SMAP1: variants seen among roughly 807,000 people sequenced by gnomAD.
SMAP1 encodes the protein stromal membrane-associated protein 1.
Under a neutral mutation model 58.5 loss-of-function variants are expected in SMAP1, and 24 were observed. The observed-to-expected ratio is 0.41, with a 90% CI of 0.30 to 0.58. SMAP1 has a LOEUF of 0.58. SMAP1 is among the 20% of genes least tolerant of loss of function. The pLI is 0.29. For synonymous variants in SMAP1, 216 were observed against 196.6 expected (o/e 1.10, Z -0.82); for missense variants, 563 against 566.3 (o/e 0.99, Z 0.06).
chr6:70,787,570 C>T (rs139524687), intron 4 of SMAP1, among the ~76,000 whole-genome samples: 318 of 138,036 alleles, frequency 2.3e-3, no homozygotes, highest in South Asian at 3.8e-3. Context: ...GGCTAATATC[C>T]AGAATCTACA....
chr6:70,740,847 G>A (rs1254588980), intron 2 of SMAP1, among the ~76,000 whole-genome samples: 3 of 152,126 alleles, frequency 2.0e-5, no homozygotes, highest in African/African-American at 7.2e-5. Context: ...CATGTGGCTG[G>A]GGAGGCCTCA....
Position 70,852,558 on chromosome 6 carries a change from C to T in SMAP1, c.683C>T (p.Pro228Leu). Residue 228 changes from proline to leucine, a missense_variant, in exon 8 of 11, where the codon CCA becomes CTA. Coordinates refer to ENST00000370455, the MANE Select transcript of SMAP1 (RefSeq NM_001044305.3). ...TTTTCAGATGGCCCTGCTGTGGCAC[C>T]AGTGACCAACGGGAACACAACGGTG... is the stretch of plus-strand genomic sequence containing the variant. ...LLGLDGPAVA[P>L]VTNGNTTVPP... The T allele has an allele frequency of 6.3e-7, 1 of 1,599,242 alleles. No individual in the cohort carries two copies. Among genetic ancestry groups the T allele is most frequent in the Non-Finnish European group, 8.5e-7 (1 of 1,173,014 alleles).
At chr6:70,792,524 A>C (rs1768408559) in intron 5 of SMAP1, among the ~76,000 whole-genome samples, 1 of 152,066 alleles carries the variant, frequency 6.6e-6, no homozygotes, top group African/African-American at 2.4e-5. Flanking sequence ...AGCAGTTTAT[A>C]ATACAATATA....
At chr6:70,859,243 A>T in intron 10 of SMAP1, 1 of 877,998 alleles carries the variant, frequency 1.1e-6, no homozygotes, top group Non-Finnish European at 1.7e-6. Flanking sequence ...AGTGTCAGTC[A>T]CATGGTCAAC....
At chr6:70,668,755 G>A in intron 1 of SMAP1, 1 of 1,532,402 alleles carries the variant, frequency 6.5e-7, no homozygotes, top group Non-Finnish European at 8.7e-7. Context: ...ATTGGAGAAA[G>A]GTCTTTATTA....
chr6:70,852,756 C>A (rs549630912), intron 8 of SMAP1, 92 bp downstream of exon 8: 1 of 1,351,768 alleles, frequency 7.4e-7, no homozygotes, highest in Non-Finnish European at 9.8e-7. Context: ...TGTTTCTGAG[C>A]AGTAACTGAT....
chr6:70,772,337 A>C (rs1767364027), intron 3 of SMAP1, among the ~76,000 whole-genome samples: 2 of 152,206 alleles, frequency 1.3e-5, no homozygotes, highest in African/African-American at 4.8e-5. Context: ...TTATTGACTG[A>C]AACTGTATTG....
At chr6:70,829,671 C>G (rs1770280417) in intron 6 of SMAP1, among the ~76,000 whole-genome samples, 1 of 151,980 alleles carries the variant, frequency 6.6e-6, no homozygotes, top group African/African-American at 2.4e-5. Flanking sequence ...TTTTATGTTT[C>G]TTGTTGTTCT....
At chr6:70,777,365 T>C (rs902093153) in intron 4 of SMAP1, among the ~76,000 whole-genome samples, 3 of 152,212 alleles carry the variant, frequency 2.0e-5, no homozygotes, top group African/African-American at 7.2e-5. Flanking sequence ...ATTTCTCTGA[T>C]GATTATTGAT....
intron 6 of SMAP1, among the ~76,000 whole-genome samples, chr6:70,823,070 A>G (rs1403977984): frequency 2.6e-5 from 4 of 152,154 alleles, no homozygotes; most frequent in Non-Finnish European, 4.4e-5. Context: ...TAGCATACTA[A>G]TGATAGCTGC....
chr6:70,686,952 A>G (rs909727624), intron 1 of SMAP1, among the ~76,000 whole-genome samples: 3 of 152,174 alleles, frequency 2.0e-5, no homozygotes, highest in African/African-American at 7.2e-5. Flanking sequence ...TTGACCTAAT[A>G]TACTGATGAT....
At chr6:70,754,345 C>G (rs1056008088) in intron 2 of SMAP1, among the ~76,000 whole-genome samples, 1 of 151,964 alleles carries the variant, frequency 6.6e-6, no homozygotes, top group African/African-American at 2.4e-5. Context: ...AGCAATTGTT[C>G]TTACCATTGG....
chr6:70,724,204 C>CT (rs1052541630), intron 1 of SMAP1, among the ~76,000 whole-genome samples: 12 of 147,008 alleles, frequency 8.2e-5, no homozygotes, highest in Non-Finnish European at 1.7e-4. Flanking sequence ...GGAAATGTTC[C>CT]TTTTTTTTTG....
At chr6:70,850,842 G>A (rs1046759248) in intron 7 of SMAP1, among the ~76,000 whole-genome samples, 3 of 152,022 alleles carry the variant, frequency 2.0e-5, no homozygotes, top group African/African-American at 7.2e-5. Context: ...TATACATCAT[G>A]TAAATGGGGT....
chr6:70,740,487 A>T (rs1255269236), intron 2 of SMAP1, among the ~76,000 whole-genome samples: 5 of 152,094 alleles, frequency 3.3e-5, no homozygotes, highest in Admixed American at 2.6e-4. Context: ...AACAAAAAAA[A>T]AACCCAAGGC....
intron 10 of SMAP1, 55 bp from the exon 11 acceptor site, chr6:70,860,143 AAC>A (rs1771647943): frequency 1.3e-6 from 2 of 1,510,406 alleles, no homozygotes; most frequent in Non-Finnish European, 1.8e-6. Context: ...TGGCTAAAGA[AAC>A]AAGAATTAAA....
intron 6 of SMAP1, among the ~76,000 whole-genome samples, chr6:70,830,969 A>C (rs1464620925): frequency 6.6e-6 from 1 of 152,198 alleles, no homozygotes; most frequent in African/African-American, 2.4e-5. Context: ...GTTGCTACAG[A>C]TACTGTAATG....
In SMAP1 at chr6:70,816,766, TTA is replaced by T. The variant is rs1437314909; in HGVS notation, c.576+18031_576+18032del. On this transcript the variant is annotated intron_variant, in intron 6 of 10. Coordinates refer to ENST00000370455, the MANE Select transcript of SMAP1 (RefSeq NM_001044305.3). ...GTTAGTAGTTGTCACTACCACTGCT[TTA>T]TGTTAACCAAAAGCCTAAAATATTA... Among the ~76,000 whole-genome samples the T allele has an allele frequency of 2.6e-5, 4 of 152,258 alleles. No homozygotes were observed. The East Asian group carries it at 7.7e-4, about 29-fold the overall frequency.
At position 70,788,755 on chromosome 6, in the gene SMAP1, T is replaced by G. The variant is rs553821181; in HGVS notation, c.415-2934T>G. ...GCCAGGGGAGGAAAGAATAGGGGGA[T>G]AAGGTAGAGATGACACTTGTGGCCT... On this transcript the variant is annotated intron_variant, in intron 4 of 10. Coordinates refer to ENST00000370455, the MANE Select transcript of SMAP1 (RefSeq NM_001044305.3). 8.5e-5 allele frequency among the ~76,000 whole-genome samples: 13 copies of G among 152,222 alleles called. No individual in the cohort carries two copies. The South Asian group carries it at 1.0e-3, about 12-fold the overall frequency.
Sources: gnomAD v4.1 joint callset for allele counts (sites outside exome capture counted in the v4.1 genomes callset) on GRCh38, gnomAD v4.1.1 for gene constraint, MANE v1.5 for transcripts, NCBI Gene and HGNC (gene_info 2026-07-23, HGNC 2026-07-21) for gene names.